AKAIN1: variants seen among roughly 807,000 people sequenced by gnomAD.
AKAIN1 encodes the protein A-kinase anchor inhibitor 1, also known as A-kinase anchor protein inhibitor 1.
A neutral mutation model predicts 3.7 loss-of-function variants in AKAIN1; 3 were observed. The ratio of observed to expected loss-of-function variants is 0.82; its 90% CI spans 0.37 to 2.12. The LOEUF is 2.12. Among genes scored for constraint, AKAIN1 ranks in the 30% most tolerant of loss-of-function variants. AKAIN1 has a pLI of 0.06. For synonymous variants in AKAIN1, 31 were observed against 30.8 expected (o/e 1.01, Z -0.02); for missense variants, 82 against 82.7 (o/e 0.99, Z 0.03).
At chr18:5,174,447 G>T (rs2071214536) in intron 1 of AKAIN1, among the ~76,000 whole-genome samples, 1 of 152,112 alleles carries the variant, frequency 6.6e-6, no homozygotes, top group Admixed American at 6.6e-5. Flanking sequence ...GCCTGACTTT[G>T]CAGAGTAAAC....
intron 1 of AKAIN1, among the ~76,000 whole-genome samples, chr18:5,193,535 A>C (rs2071333110): frequency 6.6e-6 from 1 of 152,178 alleles, no homozygotes; most frequent in South Asian, 2.1e-4. Context: ...AAGAAACCTG[A>C]TTGTTCAGAG....
At chr18:5,188,385 A>G (rs1313744143) in intron 1 of AKAIN1, among the ~76,000 whole-genome samples, 1 of 152,030 alleles carries the variant, frequency 6.6e-6, no homozygotes, top group Non-Finnish European at 1.5e-5. Flanking sequence ...CTGGGCACCA[A>G]GGTTGATTAT....
At chr18:5,152,185 G>A (rs2071084014) in intron 1 of AKAIN1, among the ~76,000 whole-genome samples, 1 of 152,218 alleles carries the variant, frequency 6.6e-6, no homozygotes, top group Non-Finnish European at 1.5e-5. Context: ...ACTTGATGCT[G>A]AAAGTCACTC....
intron 1 of AKAIN1, among the ~76,000 whole-genome samples, chr18:5,189,251 C>T (rs1380036735): frequency 3.9e-5 from 6 of 152,142 alleles, no homozygotes; most frequent in East Asian, 1.9e-4. Context: ...AGAAGATCTT[C>T]GAAATGCCTT....
At chr18:5,165,792 C>T (rs2143338648) in intron 1 of AKAIN1, among the ~76,000 whole-genome samples, 1 of 152,184 alleles carries the variant, frequency 6.6e-6, no homozygotes, top group South Asian at 2.1e-4. Context: ...TGAAAGTGAG[C>T]TTGGCTCAGG....
intron 1 of AKAIN1, among the ~76,000 whole-genome samples, chr18:5,188,044 A>G (rs2071297508): frequency 5.3e-5 from 8 of 152,136 alleles, no homozygotes; most frequent in Admixed American, 5.2e-4. Flanking sequence ...ACTGACCCCC[A>G]TGTAAGTCCA....
chr18:5,183,815 T>G (rs1034748341), intron 1 of AKAIN1, among the ~76,000 whole-genome samples: 1 of 152,060 alleles, frequency 6.6e-6, no homozygotes, highest in Admixed American at 6.6e-5. Flanking sequence ...CAACCTTGTT[T>G]AATATATGTT....
intron 1 of AKAIN1, among the ~76,000 whole-genome samples, chr18:5,178,523 T>C (rs978229671): frequency 3.3e-5 from 5 of 152,128 alleles, no homozygotes; most frequent in African/African-American, 1.2e-4. Flanking sequence ...GAATCTTCTC[T>C]CAGTTTATAC....
At chr18:5,168,356 T>C (rs1400540709) in intron 1 of AKAIN1, among the ~76,000 whole-genome samples, 1 of 152,096 alleles carries the variant, frequency 6.6e-6, no homozygotes, top group Non-Finnish European at 1.5e-5. Flanking sequence ...CTACCATTGC[T>C]TGAGCACCTA....
chr18:5,148,708 T>C (rs905388096), intron 1 of AKAIN1, among the ~76,000 whole-genome samples: 1 of 151,904 alleles, frequency 6.6e-6, no homozygotes, highest in African/African-American at 2.4e-5. Flanking sequence ...CACAAAAAGA[T>C]TAGTCTGGCG....
intron 1 of AKAIN1, among the ~76,000 whole-genome samples, chr18:5,178,814 C>G (rs1418081988): frequency 6.6e-6 from 1 of 152,174 alleles, no homozygotes; most frequent in Non-Finnish European, 1.5e-5. Flanking sequence ...GTTCCCAGAG[C>G]TTTCCAGGTG....
At chr18:5,178,848 G>A (rs1478941760) in intron 1 of AKAIN1, among the ~76,000 whole-genome samples, 1 of 152,126 alleles carries the variant, frequency 6.6e-6, no homozygotes, top group Non-Finnish European at 1.5e-5. Context: ...TAATCCCTGA[G>A]CCAAAGCACA....
In AKAIN1 at chr18:5,197,203, C is replaced by T. The variant is rs2071354088; in HGVS notation, c.-150G>A. ...GGTCAGCACCCCGGACAGCTCCCGC[C>T]GCTAGATCCTGGGGCCGCAGCTCCA... On this transcript the variant is annotated 5_prime_UTR_variant, in exon 1 of 2. Transcript: ENST00000434239. This position sits in a 1 kb window ranked among gnomAD's most constrained non-coding sequence, Gnocchi z 6.9. The T allele has an allele frequency of 7.0e-7, 1 of 1,422,702 alleles. No homozygotes were observed. Among genetic ancestry groups the T allele is most frequent in the Admixed American group, 2.9e-5 (1 of 33,916 alleles). The allele number at this position is 1,422,702 out of a possible 1,614,324, so 88.1% of individuals were successfully genotyped here. A position where few individuals can be genotyped will look rare whatever the true frequency, so the allele number is the denominator to read the frequency against.
intron 1 of AKAIN1, chr18:5,159,275 A>T (rs2071126017): frequency 6.6e-6 from 1 of 152,156 alleles, no homozygotes; most frequent in Non-Finnish European, 1.5e-5. Context: ...CAGGAAATTA[A>T]TGTCACGTGT....
intron 1 of AKAIN1, among the ~76,000 whole-genome samples, chr18:5,196,643 A>G (rs1348323086): frequency 6.6e-6 from 1 of 152,196 alleles, no homozygotes; most frequent in East Asian, 1.9e-4. Flanking sequence ...AGGGGGAAGT[A>G]GCAGTGAGGG....
At chr18:5,150,099 A>C (rs1430955921) in intron 1 of AKAIN1, among the ~76,000 whole-genome samples, 1 of 152,234 alleles carries the variant, frequency 6.6e-6, no homozygotes, top group East Asian at 1.9e-4. Context: ...GGAAGGAACC[A>C]CTTAGCTCCA....
intron 1 of AKAIN1, among the ~76,000 whole-genome samples, chr18:5,160,012 G>A (rs1310995463): frequency 6.6e-6 from 1 of 152,152 alleles, no homozygotes; most frequent in African/African-American, 2.4e-5. Flanking sequence ...ATCAGTAATA[G>A]AATTTGGCTT....
chr18:5,163,348 C>T (rs1324909776), intron 1 of AKAIN1, among the ~76,000 whole-genome samples: 4 of 152,072 alleles, frequency 2.6e-5, no homozygotes, highest in Non-Finnish European at 5.9e-5. Flanking sequence ...TCTATCCCCT[C>T]TCCAGGCCTC....
intron 1 of AKAIN1, among the ~76,000 whole-genome samples, chr18:5,148,994 T>C (rs185074674): frequency 1.3e-5 from 2 of 152,326 alleles, no homozygotes; most frequent in Admixed American, 6.5e-5. Context: ...GAATACAGTA[T>C]ATACTTGCAG....
Sources: gnomAD v4.1 joint callset for allele counts (sites outside exome capture counted in the v4.1 genomes callset) on GRCh38, gnomAD v4.1.1 for gene constraint, Gnocchi (gnomAD v3.1) non-coding constraint, MANE v1.5 for transcripts, NCBI Gene and HGNC (gene_info 2026-07-23, HGNC 2026-07-21) for gene names.